Variants in POC5 observed in about 807,000 individuals in gnomAD.
POC5 encodes the protein centrosomal protein POC5.
A neutral mutation model predicts 62.9 loss-of-function variants in POC5; 48 were observed. That is an observed-to-expected ratio of 0.76 (90% CI 0.61 to 0.97). POC5 has a LOEUF of 0.97. POC5 is among the 50% of genes least tolerant of loss of function. POC5 has a pLI of 0.00. For missense variants in POC5, 696 were observed against 679.5 expected (o/e 1.02, Z -0.27); for synonymous variants, 236 against 228.2 (o/e 1.03, Z -0.31).
At chr5:75,694,236 A>G (rs1324874961) in intron 6 of POC5, among the ~76,000 whole-genome samples, 1 of 152,196 alleles carries the variant, frequency 6.6e-6, no homozygotes, top group Non-Finnish European at 1.5e-5. Context: ...CCCTAAAAGG[A>G]TGGTTTAAAA....
At chr5:75,699,351 A>G (rs1485275955) in intron 5 of POC5, among the ~76,000 whole-genome samples, 3 of 152,202 alleles carry the variant, frequency 2.0e-5, no homozygotes, top group Admixed American at 6.5e-5. Flanking sequence ...CCAGCAGCAC[A>G]TCAAAAAGCT....
At chr5:75,706,211 G>GT (rs1489266845) in intron 3 of POC5, among the ~76,000 whole-genome samples, 1 of 152,182 alleles carries the variant, frequency 6.6e-6, no homozygotes, top group Non-Finnish European at 1.5e-5. Flanking sequence ...TCAGGAACCT[G>GT]TAGTCAACAG....
chr5:75,678,030 A>G, intron 10 of POC5, 80 bp from the exon 11 acceptor site: 1 of 1,146,328 alleles, frequency 8.7e-7, no homozygotes, highest in Non-Finnish European at 1.2e-6. Context: ...TAAATTATGA[A>G]GAATACACAG....
chr5:75,715,766 T>C (rs994108315), intron 1 of POC5, among the ~76,000 whole-genome samples: 7 of 152,156 alleles, frequency 4.6e-5, no homozygotes, highest in East Asian at 1.9e-4. Context: ...ATAGCCCTAA[T>C]AGAGTTAAGG....
intron 11 of POC5, 65 bp from the exon 12 acceptor site, chr5:75,674,643 A>G (rs1775585213): frequency 6.6e-7 from 1 of 1,519,836 alleles, no homozygotes; most frequent in African/African-American, 1.4e-5. Flanking sequence ...TCATTTCATC[A>G]TCTATCATCT....
chr5:75,704,120 C>T (rs1186499356), intron 4 of POC5, among the ~76,000 whole-genome samples: 1 of 150,060 alleles, frequency 6.7e-6, no homozygotes, highest in Non-Finnish European at 1.5e-5. Context: ...GTGCCACCCA[C>T]TCTAGCCTGG....
At chr5:75,693,022 A>G (rs1285071276) in intron 6 of POC5, among the ~76,000 whole-genome samples, 1 of 148,366 alleles carries the variant, frequency 6.7e-6, no homozygotes, top group Non-Finnish European at 1.5e-5. Flanking sequence ...AGTTATATAT[A>G]TAACTATATA....
At chr5:75,696,575 A>C (rs953091649) in intron 5 of POC5, among the ~76,000 whole-genome samples, 1 of 151,888 alleles carries the variant, frequency 6.6e-6, no homozygotes. Context: ...ACCATCATCA[A>C]AGACCAAAAG....
At chr5:75,689,701 A>G (rs1776242166) in intron 8 of POC5, 3 of 981,952 alleles carry the variant, frequency 3.1e-6, no homozygotes, top group Non-Finnish European at 3.6e-6. Flanking sequence ...TATTTGTATT[A>G]TGGATTTATT....
intron 10 of POC5, 108 bp downstream of exon 10, chr5:75,685,099 C>G: frequency 8.4e-7 from 1 of 1,183,932 alleles, no homozygotes; most frequent in Non-Finnish European, 1.2e-6. Context: ...GATCTCCTGA[C>G]CTCGTGATCC....
chr5:75,713,741 T>C (rs1777441698), intron 1 of POC5, among the ~76,000 whole-genome samples: 1 of 152,210 alleles, frequency 6.6e-6, no homozygotes, highest in Admixed American at 6.5e-5. Flanking sequence ...TTAGAGAAGA[T>C]GACCCAGGTG....
chr5:75,697,463 A>C (rs1009881668), intron 5 of POC5, among the ~76,000 whole-genome samples: 1 of 152,164 alleles, frequency 6.6e-6, no homozygotes, highest in Non-Finnish European at 1.5e-5. Context: ...ACTAAGCTTC[A>C]TAAGTGAAGG....
intron 11 of POC5, 58 bp from the exon 12 acceptor site, chr5:75,674,636 T>G: frequency 6.5e-7 from 1 of 1,544,796 alleles, no homozygotes; most frequent in Non-Finnish European, 8.9e-7. Flanking sequence ...CTATGTATCA[T>G]TTCATCATCT....
intron 5 of POC5, among the ~76,000 whole-genome samples, chr5:75,696,432 A>AC (rs942783362): frequency 2.6e-5 from 4 of 151,894 alleles, no homozygotes; most frequent in Admixed American, 2.6e-4. Flanking sequence ...ACTGGGAGGC[A>AC]CCCCCCAGCA....
intron 5 of POC5, among the ~76,000 whole-genome samples, chr5:75,700,880 G>A (rs1373338081): frequency 0.021 from 2,394 of 112,798 alleles, 35 homozygotes; most frequent in South Asian, 0.039. Flanking sequence ...CAAGAAAAAA[G>A]CAAACAACCC....
At chr5:75,707,232 T>C (rs1580057927) in intron 3 of POC5, among the ~76,000 whole-genome samples, 1 of 152,242 alleles carries the variant, frequency 6.6e-6, no homozygotes, top group Non-Finnish European at 1.5e-5. Flanking sequence ...TCCTGGTTTA[T>C]AGTAGCTTTC....
chr5:75,695,072 CTTG>C (rs1167704202), intron 5 of POC5, among the ~76,000 whole-genome samples: 2 of 152,126 alleles, frequency 1.3e-5, no homozygotes, highest in Non-Finnish European at 2.9e-5. Context: ...TGTATGAAAT[CTTG>C]TTGTCACTTA....
At chr5:75,705,445 C>G (rs1234516748) in intron 4 of POC5, 2 of 256,916 alleles carry the variant, frequency 7.8e-6, no homozygotes, top group Non-Finnish European at 1.5e-5. Flanking sequence ...CCCATTAAAT[C>G]TTTTAAAAGA....
intron 2 of POC5, among the ~76,000 whole-genome samples, chr5:75,711,157 G>A (rs914005571): frequency 2.6e-5 from 4 of 152,048 alleles, no homozygotes; most frequent in African/African-American, 9.7e-5. Context: ...GTAGACACAA[G>A]CCAAATAAGT....
Sources: allele counts gnomAD v4.1 joint callset (sites outside exome capture counted in the v4.1 genomes callset), GRCh38; gene constraint gnomAD v4.1.1; transcripts MANE v1.5; gene names NCBI Gene and HGNC (gene_info 2026-07-23, HGNC 2026-07-21).